SHANK1: variants seen among roughly 807,000 people sequenced by gnomAD.
The protein encoded by SHANK1 is SH3 and multiple ankyrin repeat domains protein 1.
In SHANK1, 35 loss-of-function variants were observed where a neutral mutation model predicts 165.6. That is an observed-to-expected ratio of 0.21 (90% CI 0.16 to 0.28). The LOEUF is 0.28. Ranked by LOEUF, SHANK1 falls within the 10% of genes least tolerant of loss-of-function variation. The pLI is 1.00. For missense variants in SHANK1, 2,681 were observed against 3,036.4 expected (o/e 0.88, Z 2.75); for synonymous variants, 1,428 against 1,384.8 (o/e 1.03, Z -0.69).
At chr19:50,696,089 C>T (rs1382220903) in intron 15 of SHANK1, among the ~76,000 whole-genome samples, 1 of 152,032 alleles carries the variant, frequency 6.6e-6, no homozygotes, top group Non-Finnish European at 1.5e-5. Flanking sequence ...GCGAGAGGCA[C>T]GGAGGAGTAG....
Position 50,661,346 on chromosome 19 carries a change from C to T in SHANK1, c.*619G>A, listed in dbSNP as rs553532592. Among the ~76,000 whole-genome samples the T allele has an allele frequency of 2.0e-5, 3 of 152,158 alleles. No homozygotes were observed. Among genetic ancestry groups the T allele is most frequent in the Non-Finnish European group, 2.9e-5 (2 of 67,974 alleles). ...GCGAGGAGAGCAGAGTGTATTTGAGCGGGCCTCGCCAGCCAGAAGCAAAGG... is the reference window on the plus strand; with the variant it reads ...GCGAGGAGAGCAGAGTGTATTTGAGTGGGCCTCGCCAGCCAGAAGCAAAGG... On this transcript the variant is annotated 3_prime_UTR_variant, in exon 24 of 24. Transcript: ENST00000293441.
chr19:50,707,507 G>A lies in SHANK1; in HGVS notation c.1078-2993C>T, dbSNP rs560518176. Among the ~76,000 whole-genome samples, 50 of 152,186 alleles carry A rather than the reference G, an allele frequency of 3.3e-4. 1 individual carries two copies. Among genetic ancestry groups the A allele is most frequent in the Admixed American group, 4.6e-4 (7 of 15,292 alleles). ...CAGAGAGGGCAGATGCTACGCCCAG[G>A]GCCACACAACCAGTTAGTGGAGCAG... On this transcript the variant is annotated intron_variant, in intron 8 of 23. Coordinates refer to ENST00000293441, the MANE Select transcript of SHANK1 (RefSeq NM_016148.5).
rs1568430014 is a variant in SHANK1, at chr19:50,672,576, A to AAAAAAAG, written c.2578-463_2578-462insCTTTTTT. Among the ~76,000 whole-genome samples the AAAAAAAG allele has an allele frequency of 2.5e-4, 38 of 151,124 alleles. 1 individual carries two copies. Among genetic ancestry groups the AAAAAAAG allele is most frequent in the African/African-American group, 9.0e-4 (37 of 41,082 alleles). On this transcript the variant is annotated intron_variant, in intron 21 of 23. Transcript: ENST00000293441. ...GTCTCAAAAAAAAAAAAAAAAAAAA[A>AAAAAAAG]AAAAGAAAAGAAGGCGAAAGGGAAT...
Position 50,686,113 on chromosome 19 carries a change from G to T in SHANK1, c.2577+124C>A. Reference sequence around the variant, plus strand: ...GAAAGGAGGAAACCCTAGGATGTGTGTCGCCCCTCCAGGACCAGCCTAAAG... The same window carrying T: ...GAAAGGAGGAAACCCTAGGATGTGTTTCGCCCCTCCAGGACCAGCCTAAAG... On this transcript the variant is annotated intron_variant, in intron 21 of 23. Coordinates refer to ENST00000293441, the MANE Select transcript of SHANK1 (RefSeq NM_016148.5). The surrounding 1 kb of genome is among the most constrained non-coding windows in gnomAD (Gnocchi z 5.7). 2.0e-6 allele frequency: 1 copy of T among 500,040 alleles called. No individual in the cohort carries two copies. The highest frequency in any genetic ancestry group is 3.6e-6 in the Non-Finnish European group (1 of 281,338). 31.0% of individuals were successfully genotyped at this position (500,040 alleles called of 1,614,324 possible). A position where few individuals can be genotyped will look rare whatever the true frequency, so the allele number is the denominator to read the frequency against.
In SHANK1 at chr19:50,689,306, G is replaced by A. The variant is rs376327701; in HGVS notation, c.1965-27C>T. The A allele has an allele frequency of 2.7e-6, 4 of 1,469,414 alleles. No individual in the cohort carries two copies. The African/African-American group carries it at 4.2e-5, about 15-fold the overall frequency. 91.0% of individuals were successfully genotyped at this position (1,469,414 alleles called of 1,614,324 possible). ...TGGCAGGGAGGCAGGAGAAATGGGGGGGTGGTGGGGGGAGTGGAGAAGACA... is the reference window on the plus strand; with the variant it reads ...TGGCAGGGAGGCAGGAGAAATGGGGAGGTGGTGGGGGGAGTGGAGAAGACA... On this transcript the variant is annotated intron_variant, in intron 15 of 23. Transcript: ENST00000293441.
Position 50,667,687 on chromosome 19 carries a change from C to G in SHANK1, c.4273G>C (p.Gly1425Arg), listed in dbSNP as rs990401713. The change falls in exon 23 of 24, where the codon GGG (glycine) becomes CGG (arginine). Residue 1425 changes from glycine (G) to arginine (R), a missense_variant. Around this residue, in one of 10 missense-constraint regions of SHANK1, gnomAD observed 1,713 missense variants for 1,630.2 expected, o/e 1.05. Coordinates refer to ENST00000293441, the MANE Select transcript of SHANK1 (RefSeq NM_016148.5). This position sits in a 1 kb window ranked among gnomAD's most constrained non-coding sequence, Gnocchi z 5.7. ...AGGGACTTCTCCTGGCTGCCCAGCCCGGCCCTGTACCCCAGCTCCCGGCGC... is the reference window on the plus strand; with the variant it reads ...AGGGACTTCTCCTGGCTGCCCAGCCGGGCCCTGTACCCCAGCTCCCGGCGC... ...PARRELGYRA[G>R]LGSQEKSLPA... is the part of the protein sequence containing the mutation. 2 of 1,360,538 alleles carry G rather than the reference C, an allele frequency of 1.5e-6. No individual in the cohort carries two copies. Among genetic ancestry groups the G allele is most frequent in the Non-Finnish European group, 1.9e-6 (2 of 1,063,934 alleles). The allele number at this position is 1,360,538 out of a possible 1,614,324, so 84.3% of individuals were successfully genotyped here.
intron 8 of SHANK1, among the ~76,000 whole-genome samples, chr19:50,708,463 C>T (rs1307741971): frequency 6.6e-6 from 1 of 152,154 alleles, no homozygotes; most frequent in East Asian, 1.9e-4. Flanking sequence ...ACGTCTGCCT[C>T]CTCACCAGAC....
intron 21 of SHANK1, among the ~76,000 whole-genome samples, chr19:50,685,906 A>C (rs1457404993): frequency 6.6e-6 from 1 of 152,082 alleles, no homozygotes; most frequent in Non-Finnish European, 1.5e-5. Context: ...ATGCCGGGGA[A>C]TCTCCATCCA....
rs1020603187 is a variant in SHANK1 at position 50,716,736 on chromosome 19, T to C, written c.184A>G (p.Met62Val). The C allele has an allele frequency of 6.2e-7, 1 of 1,608,186 alleles. No homozygotes were observed. Among genetic ancestry groups the C allele is most frequent in the Non-Finnish European group, 8.5e-7 (1 of 1,177,288 alleles). ...ASVRGLQGRSMSVPDDAHFSM... is the reference protein window; with the variant it reads ...ASVRGLQGRSVSVPDDAHFSM... ...AAGTGGGCGTCGTCTGGGACGGACA[T>C]TGAGCGGCCCTGGAGGCCTCTAACA... The change falls in exon 2 of 24, where the codon ATG becomes GTG. Residue 62 changes from methionine (M) to valine (V), a missense_variant. Transcript: ENST00000293441. The surrounding 1 kb of genome is among the most constrained non-coding windows in gnomAD (Gnocchi z 8.4).
chr19:50,712,131 A>T lies in SHANK1; in HGVS notation c.793-17T>A. On this transcript the variant is annotated splice_polypyrimidine_tract_variant and intron_variant, in intron 6 of 23. Coordinates refer to ENST00000293441, the MANE Select transcript of SHANK1 (RefSeq NM_016148.5). ...CAGGAGCGCCTAGGAACGGAGAGAG[A>T]ACCCAGTAGAAAAACACAGATGACA... 2 of 1,559,194 alleles carry T rather than the reference A, an allele frequency of 1.3e-6. No homozygotes were observed. Among genetic ancestry groups the T allele is most frequent in the Non-Finnish European group, 1.7e-6 (2 of 1,155,416 alleles).
intron 21 of SHANK1, among the ~76,000 whole-genome samples, chr19:50,683,113 T>C (rs1986226469): frequency 6.6e-6 from 1 of 152,206 alleles, no homozygotes; most frequent in Non-Finnish European, 1.5e-5. Context: ...ATTATAGGTG[T>C]GAGCCCCTGC....
Position 50,668,789 on chromosome 19 carries a change from CG to C in SHANK1, c.3170del (p.Pro1057ArgfsTer286). The C allele has an allele frequency of 7.9e-7, 1 of 1,265,826 alleles. No individual in the cohort carries two copies. Among genetic ancestry groups the C allele is most frequent in the South Asian group, 3.3e-5 (1 of 30,368 alleles). 78.4% of individuals were successfully genotyped at this position (1,265,826 alleles called of 1,614,324 possible). On this transcript the variant is annotated frameshift_variant, in exon 23 of 24. Coordinates refer to ENST00000293441, the MANE Select transcript of SHANK1 (RefSeq NM_016148.5). LOFTEE classifies it high-confidence loss of function. ...LRGWRGGGPS[P>X]TPGAPSPSHH... ...GCGATGGGGACGGGGCCCCCGGGGT[CG>C]GGCTGGGCCCGCCGCCCCTCCAGCC... is the stretch of plus-strand genomic sequence containing the variant.
At chr19:50,706,869 C>A (rs977208921) in intron 8 of SHANK1, among the ~76,000 whole-genome samples, 4 of 151,914 alleles carry the variant, frequency 2.6e-5, no homozygotes, top group Non-Finnish European at 5.9e-5. Context: ...CCTCTGCCTC[C>A]CAGGTTCAAG....
In SHANK1 at chr19:50,666,333, G is replaced by A. The variant is rs1394643660; in HGVS notation, c.5627C>T (p.Ser1876Phe). 1.9e-5 allele frequency: 31 copies of A among 1,613,694 alleles called. No homozygotes were observed. Among genetic ancestry groups the A allele is most frequent in the Non-Finnish European group, 2.5e-5 (29 of 1,179,944 alleles). ...GGAGCCCCCAAACTGCTGAAGCTTG[G>A]AGCTGAGTTCACTGATGATGCTGGC... is the stretch of plus-strand genomic sequence containing the variant. ...VKASIISELSSKLQQFGGSSA... is the reference protein window; with the variant it reads ...VKASIISELSFKLQQFGGSSA... Residue 1876 changes from serine (S) to phenylalanine (F), a missense_variant, in exon 23 of 24, where the codon TCC (serine) becomes TTC (phenylalanine). Around this residue, in one of 10 missense-constraint regions of SHANK1, gnomAD observed 1,713 missense variants for 1,630.2 expected, o/e 1.05. Coordinates refer to ENST00000293441, the MANE Select transcript of SHANK1 (RefSeq NM_016148.5).
At chr19:50,706,320 G>C (rs2088938474) in intron 8 of SHANK1, among the ~76,000 whole-genome samples, 1 of 152,172 alleles carries the variant, frequency 6.6e-6, no homozygotes, top group Non-Finnish European at 1.5e-5. Context: ...AAGGGTGGGG[G>C]CAGGACTGGG....
chr19:50,671,936 T>C, intron 22 of SHANK1, 82 bp downstream of exon 22: 2 of 1,054,454 alleles, frequency 1.9e-6, no homozygotes, highest in South Asian at 2.7e-5. Flanking sequence ...GCACAGAACA[T>C]TTCCAAGTCT....
rs1175833358 is a variant in SHANK1 at position 50,659,645 on chromosome 19, T to G, written c.*2320A>C. Among the ~76,000 whole-genome samples, 1 of 148,502 alleles carries G rather than the reference T, an allele frequency of 6.7e-6. No homozygotes were observed. Among genetic ancestry groups the G allele is most frequent in the Non-Finnish European group, 1.5e-5 (1 of 67,134 alleles). ...TTTTTTGTGTGTTCTAGGGGTTTTG[T>G]GTTTTTTTTTTCTGTTTTTTATATT... On this transcript the variant is annotated 3_prime_UTR_variant, in exon 24 of 24. Transcript: ENST00000293441.
intron 8 of SHANK1, among the ~76,000 whole-genome samples, chr19:50,709,067 A>G (rs2088977461): frequency 6.6e-6 from 1 of 152,256 alleles, no homozygotes; most frequent in African/African-American, 2.4e-5. Flanking sequence ...TGTGTTATGC[A>G]TCGGTTTGTT....
chr19:50,686,971 G>A lies in SHANK1; in HGVS notation c.2390-159C>T. On this transcript the variant is annotated intron_variant, in intron 19 of 23. Transcript: ENST00000293441. This position sits in a 1 kb window ranked among gnomAD's most constrained non-coding sequence, Gnocchi z 5.7. ...GTCAGGGAGGGGCGAGTCCGCCGGCGGGGTCGGGAGACGGGGGCCCTCCCG... is the reference window on the plus strand; with the variant it reads ...GTCAGGGAGGGGCGAGTCCGCCGGCAGGGTCGGGAGACGGGGGCCCTCCCG... The A allele has an allele frequency of 7.2e-7, 1 of 1,392,010 alleles. No homozygotes were observed. Among genetic ancestry groups the A allele is most frequent in the Non-Finnish European group, 9.4e-7 (1 of 1,062,422 alleles). The allele number at this position is 1,392,010 out of a possible 1,614,324, so 86.2% of individuals were successfully genotyped here. A position where few individuals can be genotyped will look rare whatever the true frequency, so the allele number is the denominator to read the frequency against.
Sources: allele counts gnomAD v4.1 joint callset (sites outside exome capture counted in the v4.1 genomes callset), GRCh38; gene constraint gnomAD v4.1.1; regional missense constraint gnomAD v4.1.1; non-coding constraint Gnocchi (gnomAD v3.1); transcripts MANE v1.5; gene names NCBI Gene and HGNC (gene_info 2026-07-23, HGNC 2026-07-21).